DTNA: variants seen among roughly 807,000 people sequenced by gnomAD.
The protein encoded by DTNA is dystrophin-related protein 3.
Under a neutral mutation model 100.7 loss-of-function variants are expected in DTNA, and 43 were observed. The ratio of observed to expected loss-of-function variants is 0.43; its 90% CI spans 0.33 to 0.55. DTNA has a LOEUF of 0.55. Ranked by LOEUF, DTNA falls within the 20% of genes least tolerant of loss-of-function variation. The pLI is 0.04. For synonymous variants in DTNA, 349 were observed against 347.9 expected (o/e 1.00, Z -0.04); for missense variants, 798 against 953.9 (o/e 0.84, Z 2.15).
At chr18:34,877,263 A>G (rs1358802434) in intron 18 of DTNA, among the ~76,000 whole-genome samples, 3 of 152,192 alleles carry the variant, frequency 2.0e-5, no homozygotes, top group African/African-American at 7.2e-5. Flanking sequence ...TAGAGACCAG[A>G]ATCTAAAGGG....
intron 3 of DTNA, 63 bp downstream of exon 3, chr18:34,766,104 A>T: frequency 6.5e-7 from 1 of 1,542,024 alleles, no homozygotes; most frequent in Non-Finnish European, 8.9e-7. Context: ...ATTTGGTACT[A>T]AGTTTATTAA....
At chr18:34,864,959 A>G (rs1050521879) in intron 17 of DTNA, among the ~76,000 whole-genome samples, 5 of 152,372 alleles carry the variant, frequency 3.3e-5, no homozygotes, top group East Asian at 3.9e-4. Context: ...TTTAGTATAC[A>G]TTAAATTGCA....
chr18:34,777,691 G>C (rs557975724), intron 3 of DTNA, among the ~76,000 whole-genome samples: 2 of 152,256 alleles, frequency 1.3e-5, no homozygotes, highest in South Asian at 4.1e-4. Context: ...AGCAAGAGAA[G>C]AACTACCAAA....
intron 9 of DTNA, chr18:34,821,371 G>T (rs1042417531): frequency 7.7e-5 from 34 of 442,960 alleles, no homozygotes; most frequent in African/African-American, 6.7e-4. Flanking sequence ...TTCATCCCAA[G>T]CTGTATAACT....
At chr18:34,702,657 A>AT (rs2081540778) in intron 1 of DTNA, among the ~76,000 whole-genome samples, 1 of 152,088 alleles carries the variant, frequency 6.6e-6, no homozygotes, top group Non-Finnish European at 1.5e-5. Context: ...AATAACTTGT[A>AT]ATTTTCCACC....
Position 34,654,875 on chromosome 18 carries a change from T to C in DTNA, c.-1-101101T>C, listed in dbSNP as rs1258395850. 8.6e-5 allele frequency among the ~76,000 whole-genome samples: 13 copies of C among 152,044 alleles called. 1 individual carries two copies. Among genetic ancestry groups the C allele is most frequent in the Admixed American group, 8.5e-4 (13 of 15,268 alleles). ...CCAAGTAGCTGGGATTACAGGTGTG[T>C]GCCACCACACCCAGCTTATTTTTGT... is the stretch of plus-strand genomic sequence containing the variant. On this transcript the variant is annotated intron_variant, in intron 1 of 19. Coordinates refer to the DTNA transcript ENST00000283365.
intron 1 of DTNA, among the ~76,000 whole-genome samples, chr18:34,712,555 A>C (rs901712399): frequency 6.6e-6 from 1 of 152,132 alleles, no homozygotes; most frequent in African/African-American, 2.4e-5. Context: ...AAAACTTCTG[A>C]AATAATTTTA....
intron 17 of DTNA, chr18:34,866,027 C>T: frequency 3.4e-6 from 5 of 1,477,480 alleles, no homozygotes; most frequent in Non-Finnish European, 2.8e-6. Context: ...TGATGTTTCC[C>T]CATCTTGCGT....
intron 6 of DTNA, among the ~76,000 whole-genome samples, chr18:34,813,816 T>A (rs2095536927): frequency 7.5e-6 from 1 of 133,438 alleles, no homozygotes; most frequent in African/African-American, 2.9e-5. Context: ...CACTCCAGCC[T>A]GGGAGACAAA....
chr18:34,889,828 G>C lies in DTNA; in HGVS notation c.*2094G>C. On this transcript the variant is annotated 3_prime_UTR_variant, in exon 23 of 23. Transcript: ENST00000444659. ...AAGTGGCACAACTGCACAGTTCTCA[G>C]ATTTCTTTGCACAGATTGATTTTTA... 1.0e-6 allele frequency: 1 copy of C among 990,752 alleles called. No homozygotes were observed. The highest frequency in any genetic ancestry group is 1.2e-6 in the Non-Finnish European group (1 of 832,984). The allele number at this position is 990,752 out of a possible 1,614,324, so 61.4% of individuals were successfully genotyped here.
chr18:34,755,877 G>A, intron 1 of DTNA, 99 bp from the exon 2 acceptor site: 2 of 1,013,956 alleles, frequency 2.0e-6, no homozygotes, highest in Non-Finnish European at 3.1e-6. Context: ...GGTTTTCTAT[G>A]TGTTTGTGTC....
At chr18:34,726,314 G>C (rs183465018) in intron 1 of DTNA, among the ~76,000 whole-genome samples, 1 of 151,852 alleles carries the variant, frequency 6.6e-6, no homozygotes, top group African/African-American at 2.4e-5. Flanking sequence ...TTCTTCCCCT[G>C]GTCCCCCGAA....
chr18:34,689,759 C>G (rs778387630), intron 1 of DTNA, among the ~76,000 whole-genome samples: 1 of 152,208 alleles, frequency 6.6e-6, no homozygotes, highest in African/African-American at 2.4e-5. Flanking sequence ...GCCCCCTCCC[C>G]CAGGTGCTCT....
At chr18:34,667,465 A>C (rs2076098882) in intron 1 of DTNA, among the ~76,000 whole-genome samples, 1 of 152,200 alleles carries the variant, frequency 6.6e-6, no homozygotes, top group Admixed American at 6.5e-5. Context: ...ACTATGTTGA[A>C]AAGGAGTGGT....
chr18:34,636,830 C>T (rs991431206), intron 1 of DTNA, among the ~76,000 whole-genome samples: 2 of 151,938 alleles, frequency 1.3e-5, no homozygotes, highest in African/African-American at 4.8e-5. Flanking sequence ...GTGACTATGC[C>T]GTAAGAATAT....
chr18:34,782,588 A>T (rs1308290038), intron 3 of DTNA, among the ~76,000 whole-genome samples: 1 of 152,176 alleles, frequency 6.6e-6, no homozygotes, highest in South Asian at 2.1e-4. Flanking sequence ...TGTGAGTGGT[A>T]CCTTGAGGGA....
intron 16 of DTNA, among the ~76,000 whole-genome samples, chr18:34,861,998 T>C (rs892535896): frequency 6.6e-6 from 1 of 152,124 alleles, no homozygotes; most frequent in African/African-American, 2.4e-5. Context: ...AAAGTGTTTC[T>C]GTGGCCAAAG....
At chr18:34,678,469 C>T (rs2077661050) in intron 1 of DTNA, among the ~76,000 whole-genome samples, 1 of 152,070 alleles carries the variant, frequency 6.6e-6, no homozygotes, top group Non-Finnish European at 1.5e-5. Flanking sequence ...CTTTCCACCC[C>T]CACTGCCACC....
rs1308118118 is a variant in DTNA at position 34,574,809 on chromosome 18, T to C, written c.-2+81295T>C. 2.6e-5 allele frequency among the ~76,000 whole-genome samples: 4 copies of C among 152,268 alleles called. No homozygotes were observed. In the East Asian group the frequency reaches 7.7e-4, roughly 29 times the overall value. Reference sequence around the variant, plus strand: ...ACTATGCTCAGCTGATTTTTATTTTTATTACTATTTTTGTAGACATGGGTT... The same window carrying C: ...ACTATGCTCAGCTGATTTTTATTTTCATTACTATTTTTGTAGACATGGGTT... On this transcript the variant is annotated intron_variant, in intron 1 of 19. Coordinates refer to the DTNA transcript ENST00000283365.
Sources: allele counts gnomAD v4.1 joint callset (sites outside exome capture counted in the v4.1 genomes callset), GRCh38; gene constraint gnomAD v4.1.1; transcripts MANE v1.5; gene names NCBI Gene and HGNC (gene_info 2026-07-23, HGNC 2026-07-21).